TTN: variants seen among roughly 807,000 people sequenced by gnomAD.
TTN encodes the protein titin.
A neutral mutation model predicts 3,223.0 loss-of-function variants in TTN; 1,525 were observed. The ratio of observed to expected loss-of-function variants is 0.47; its 90% CI spans 0.45 to 0.49. TTN has a LOEUF of 0.49. Ranked by LOEUF, TTN falls within the 20% of genes least tolerant of loss-of-function variation. TTN has a pLI of 0.00. For missense variants in TTN, 40,786 were observed against 43,424.0 expected, an observed-to-expected ratio of 0.94 and a Z score of 5.40; for synonymous variants, 14,094 against 15,161.0, an observed-to-expected ratio of 0.93 and a Z score of 5.17.
chr2:178,764,305 A>G lies in TTN; in HGVS notation c.9989-3T>C, dbSNP rs2089960880. On this transcript the variant is annotated splice_polypyrimidine_tract_variant and splice_region_variant and intron_variant, in intron 42 of 362. Coordinates refer to ENST00000589042, the MANE Select transcript of TTN (RefSeq NM_001267550.2). ...ATCAGGAGACACAACTTCTGGAACT[A>G]AAGAAAGAAACCACAAGATTTGTCA... The G allele has an allele frequency of 1.2e-6, 2 of 1,613,726 alleles. No individual in the cohort carries two copies. The highest frequency in any genetic ancestry group is 1.7e-6 in the Non-Finnish European group (2 of 1,179,912).
intron 47 of TTN, chr2:178,744,675 C>G: frequency 2.1e-6 from 2 of 968,594 alleles, no homozygotes; most frequent in Non-Finnish European, 2.5e-6. Context: ...TGTCTCAATT[C>G]TAAAAATATC....
At chr2:178,713,408 CA>C (rs1553893885) in intron 92 of TTN, 36 bp from the exon 93 acceptor site, 9 of 1,459,506 alleles carry the variant, frequency 6.2e-6, no homozygotes, top group African/African-American at 1.4e-5. Flanking sequence ...CAAAACAAAA[CA>C]AAAAAAACAA....
chr2:178,563,754 G>A lies in TTN; in HGVS notation c.82378C>T (p.Pro27460Ser), dbSNP rs1043329468. The change falls in exon 326 of 363, where the codon CCT becomes TCT. Residue 27460 changes from proline to serine, a missense_variant. Transcript: ENST00000589042. This position sits in a 1 kb window ranked among gnomAD's most constrained non-coding sequence, Gnocchi z 4.5. ...TTATAAGGATTACAGGCCGTAACAGGCCCAGATTCCAAGGGCTCTCCAATT... is the reference window on the plus strand; with the variant it reads ...TTATAAGGATTACAGGCCGTAACAGACCCAGATTCCAAGGGCTCTCCAATT... Reference protein sequence around the residue: ...YGIGEPLESGPVTACNPYKPP... With the variant: ...YGIGEPLESGSVTACNPYKPP... 5 of 1,613,570 alleles carry A rather than the reference G, an allele frequency of 3.1e-6. No individual in the cohort carries two copies. In the South Asian group the frequency reaches 3.3e-5, roughly 11 times the overall value.
Position 178,593,319 on chromosome 2 carries a change from T to C in TTN, c.58889A>G (p.Lys19630Arg). The C allele has an allele frequency of 6.2e-7, 1 of 1,613,382 alleles. No homozygotes were observed. The highest frequency in any genetic ancestry group is 8.5e-7 in the Non-Finnish European group (1 of 1,179,582). The change falls in exon 299 of 363, where the codon AAA becomes AGA. Residue 19630 changes from lysine to arginine, a missense_variant. Transcript: ENST00000589042. ...TMSKRWARVTKDPIHPYTKFR... is the reference protein window; with the variant it reads ...TMSKRWARVTRDPIHPYTKFR... ...TTTAGTGTATGGATGAATAGGATCT[T>C]TGGTAACTCTAGCCCATCGTTTAGA...
At chr2:178,682,357 A>G (rs1432952400) in intron 135 of TTN, among the ~76,000 whole-genome samples, 2 of 152,028 alleles carry the variant, frequency 1.3e-5, no homozygotes, top group Non-Finnish European at 2.9e-5. Context: ...ATTTTTAACC[A>G]TGTACTAGAA....
rs1159388990 is a variant in TTN at position 178,664,897 on chromosome 2, C to T, written c.36073G>A (p.Ala12025Thr). 1 of 1,610,406 alleles carries T rather than the reference C, an allele frequency of 6.2e-7. No individual in the cohort carries two copies. Among genetic ancestry groups the T allele is most frequent in the Admixed American group, 1.7e-5 (1 of 59,662 alleles). Reference protein sequence around the residue: ...TPEAPQEIIPAKTVPSKKREP... With the variant: ...TPEAPQEIIPTKTVPSKKREP... ...CTTTTTTTGGAAGGAACTGTCTTGGCAGGAATAATTTCTTGAGGAGCTTCG... is the reference window on the plus strand; with the variant it reads ...CTTTTTTTGGAAGGAACTGTCTTGGTAGGAATAATTTCTTGAGGAGCTTCG... The change falls in exon 166 of 363, where the codon GCC becomes ACC. Residue 12025 changes from alanine (A) to threonine (T), a missense_variant. By Grantham distance (58) the Ala-to-Thr change is moderately conservative. Transcript: ENST00000589042.
In TTN at chr2:178,730,086, A is replaced by T; in HGVS notation, c.18307+7T>A. ...AGCAAGAAAGTGAGGAGATGTAGAG[A>T]CCAGACCTTTTACAAAGAGAGTGGC... On this transcript the variant is annotated splice_region_variant and intron_variant, in intron 62 of 362. Coordinates refer to ENST00000589042, the MANE Select transcript of TTN (RefSeq NM_001267550.2). 1 of 1,600,976 alleles carries T rather than the reference A, an allele frequency of 6.2e-7. No homozygotes were observed. The highest frequency in any genetic ancestry group is 1.1e-5 in the South Asian group (1 of 90,508).
intron 47 of TTN, chr2:178,748,538 A>C (rs2084360675): frequency 6.2e-7 from 1 of 1,613,060 alleles, no homozygotes; most frequent in Non-Finnish European, 8.5e-7. Context: ...ATGAGAATAC[A>C]TTTGTTTTAG....
chr2:178,537,008 T>C lies in TTN; in HGVS notation c.100101A>G (p.Ser33367=). The change falls in exon 356 of 363, where the codon TCA becomes TCG. Residue 33367 remains serine, a synonymous_variant. Coordinates refer to ENST00000589042, the MANE Select transcript of TTN (RefSeq NM_001267550.2). ...CACTGATGCCGAAAGTGTTCTGAGC[T>C]GAAACCCGGAAGTAATAGCCAGCAT... ...TENAGYYFRV[S]AQNTFGISDP... 5 of 1,613,388 alleles carry C rather than the reference T, an allele frequency of 3.1e-6. No homozygotes were observed. Among genetic ancestry groups the C allele is most frequent in the Non-Finnish European group, 4.2e-6 (5 of 1,179,602 alleles).
Position 178,701,235 on chromosome 2 carries a change from TTTAG to T in TTN, c.30599-36_30599-33del, listed in dbSNP as rs1370367457. 2.5e-6 allele frequency: 4 copies of T among 1,577,732 alleles called. No homozygotes were observed. In the African/African-American group the frequency reaches 5.5e-5, roughly 22 times the overall value. The stretch of plus-strand genomic sequence containing the variant: ...AAAATAAATGCCGTTAGTAACATGT[TTTAG>T]TTTCTTATTTTGCGTAAAATATAAT... On this transcript the variant is annotated intron_variant, in intron 110 of 362. Transcript: ENST00000589042.
Position 178,794,395 on chromosome 2 carries a change from G to A in TTN, c.1398+4C>T, listed in dbSNP as rs368548209. 399 of 1,613,952 alleles carry A rather than the reference G, an allele frequency of 2.5e-4. No individual in the cohort carries two copies. Among genetic ancestry groups the A allele is most frequent in the Middle Eastern group, 3.3e-4 (2 of 6,084 alleles). On this transcript the variant is annotated splice_donor_region_variant and intron_variant, in intron 8 of 362. Transcript: ENST00000589042. ...CGGGTGCCCCATGGCAGCCTCGCAC[G>A]TACCTGTTCTTGAGCAGGTTGGATG...
Position 178,575,488 on chromosome 2 carries a change from G to A in TTN, c.70644C>T (p.Thr23548=), listed in dbSNP as rs148210834. ...SLNIMDITKS[T]VSLAWPKPKH... ...TGGGCTTAGGCCATGCCAGGCTGAC[G>A]GTGCTCTTAGTTATGTCCATGATGT... The change falls in exon 326 of 363, where the codon ACC becomes ACT. Residue 23548 remains threonine (T), a synonymous_variant. Coordinates refer to ENST00000589042, the MANE Select transcript of TTN (RefSeq NM_001267550.2). The surrounding 1 kb of genome is among the most constrained non-coding windows in gnomAD (Gnocchi z 4.0). 412 of 1,613,596 alleles carry A rather than the reference G, an allele frequency of 2.6e-4. No individual in the cohort carries two copies. The highest frequency in any genetic ancestry group is 2.2e-3 in the East Asian group (97 of 44,834).
intron 155 of TTN, 77 bp downstream of exon 155, chr2:178,671,894 C>G: frequency 6.6e-7 from 1 of 1,504,688 alleles, no homozygotes; most frequent in Non-Finnish European, 8.9e-7. Context: ...ATCTTCCAAA[C>G]TGAACACAAA....
In TTN at chr2:178,607,320, A is replaced by G. The variant is rs367812861; in HGVS notation, c.53288-6T>C. On this transcript the variant is annotated splice_polypyrimidine_tract_variant and splice_region_variant and intron_variant, in intron 277 of 362. Transcript: ENST00000589042. ...AAGAACTGGACCAGGGACATCTGAA[A>G]ACAAAACAAAGCCAAAAATCAATGT... The G allele has an allele frequency of 6.2e-7, 1 of 1,611,958 alleles. No individual in the cohort carries two copies. Among genetic ancestry groups the G allele is most frequent in the African/African-American group, 1.3e-5 (1 of 74,678 alleles).
Position 178,552,008 on chromosome 2 carries a change from T to C in TTN, c.90892A>G (p.Arg30298Gly). ...NLVKDAEYQF[R>G]VRAENRYGVS... is the part of the protein sequence containing the mutation. ...CCGTATCTGTTTTCTGCTCTCACTC[T>C]AAACTGGTACTCAGCATCTTTGACT... Residue 30298 changes from arginine (R) to glycine (G), a missense_variant, in exon 335 of 363, where the codon AGA becomes GGA. Coordinates refer to ENST00000589042, the MANE Select transcript of TTN (RefSeq NM_001267550.2). The C allele has an allele frequency of 6.2e-7, 1 of 1,612,922 alleles. No homozygotes were observed. The highest frequency in any genetic ancestry group is 8.5e-7 in the Non-Finnish European group (1 of 1,179,118).
Position 178,711,225 on chromosome 2 carries a change from G to A in TTN, c.28011C>T (p.Asp9337=), listed in dbSNP as rs757848062. 102 of 1,613,670 alleles carry A rather than the reference G, an allele frequency of 6.3e-5. 1 individual carries two copies. In the South Asian group the frequency reaches 7.9e-4, roughly 13 times the overall value. The change falls in exon 97 of 363, where the codon GAC becomes GAT. Residue 9337 remains aspartate, a synonymous_variant. Transcript: ENST00000589042. Reference sequence around the variant, plus strand: ...TTGGGCTGTCTTTCAATGGCTTGCCGTCTTTATACCAAGACACGGAGATAG... The same window carrying A: ...TTGGGCTGTCTTTCAATGGCTTGCCATCTTTATACCAAGACACGGAGATAG... ...SEPISVSWYK[D]GKPLKDSPNV... is the part of the protein sequence containing the mutation.
chr2:178,567,243 T>C lies in TTN; in HGVS notation c.78889A>G (p.Thr26297Ala). ...PGPPEGPVQV[T>A]GVTSEKCSLT... is the part of the protein sequence containing the mutation. ...GAGCATTTTTCAGAAGTGACTCCAG[T>C]AACCTGGACTGGCCCTTCTGGAGGT... The change falls in exon 326 of 363, where the codon ACT becomes GCT. Residue 26297 changes from threonine to alanine, a missense_variant. Physicochemically the swap from Thr to Ala is moderately conservative, Grantham distance 58. Transcript: ENST00000589042. 1 of 1,606,972 alleles carries C rather than the reference T, an allele frequency of 6.2e-7. No homozygotes were observed. The highest frequency in any genetic ancestry group is 2.2e-5 in the East Asian group (1 of 44,784).
Position 178,790,617 on chromosome 2 carries a change from G to C in TTN, c.1800+91C>G, listed in dbSNP as rs1036432891. ...CATTATAAGAAGAGGTGGAAGTGAA[G>C]AAGTGATGATTAAGATCCATGATGA... On this transcript the variant is annotated intron_variant, in intron 11 of 362. Coordinates refer to ENST00000589042, the MANE Select transcript of TTN (RefSeq NM_001267550.2). 3.8e-6 allele frequency: 6 copies of C among 1,593,238 alleles called. No homozygotes were observed. The African/African-American group carries it at 5.4e-5, about 14-fold the overall frequency.
chr2:178,536,667 A>G (rs1559060806), intron 356 of TTN, 92 bp from the exon 357 acceptor site: 1 of 1,134,406 alleles, frequency 8.8e-7, no homozygotes, highest in South Asian at 2.0e-5. Context: ...TATGAGTCCA[A>G]AATTTTGTTA....
Sources: gnomAD v4.1 joint callset for allele counts (sites outside exome capture counted in the v4.1 genomes callset) on GRCh38, gnomAD v4.1.1 for gene constraint, Gnocchi (gnomAD v3.1) non-coding constraint, MANE v1.5 for transcripts, NCBI Gene and HGNC (gene_info 2026-07-23, HGNC 2026-07-21) for gene names.